EPB41L3: variants seen among roughly 807,000 people sequenced by gnomAD.
EPB41L3 encodes the protein band 4.1-like protein 3.
Under a neutral mutation model 127.1 loss-of-function variants are expected in EPB41L3, and 57 were observed. The observed-to-expected ratio is 0.45, with a 90% CI of 0.36 to 0.56. The LOEUF (loss-of-function observed/expected upper bound fraction) is 0.56. EPB41L3 is among the 20% of genes least tolerant of loss of function. EPB41L3 has a pLI of 0.00. For synonymous variants in EPB41L3, 572 were observed against 549.5 expected (o/e 1.04, Z -0.57); for missense variants, 1,273 against 1,372.2 (o/e 0.93, Z 1.14).
At chr18:5,527,382 C>T (rs1196379307) in intron 1 of EPB41L3, among the ~76,000 whole-genome samples, 1 of 152,104 alleles carries the variant, frequency 6.6e-6, no homozygotes, top group Non-Finnish European at 1.5e-5. Flanking sequence ...TAAAACCATA[C>T]CTGCTAAATA....
intron 22 of EPB41L3, 80 bp from the exon 23 acceptor site, chr18:5,393,558 T>A (rs747010676): frequency 4.4e-6 from 3 of 683,776 alleles, no homozygotes; most frequent in African/African-American, 3.6e-5. Context: ...AAAAAAAGTA[T>A]CCTGGAAGTT....
intron 3 of EPB41L3, among the ~76,000 whole-genome samples, chr18:5,461,503 A>G (rs934981295): frequency 6.6e-5 from 10 of 152,258 alleles, no homozygotes; most frequent in African/African-American, 2.4e-4. Context: ...CTGAACAGAT[A>G]CATTCTTATA....
chr18:5,573,237 C>T (rs1201881603), intron 3 of EPB41L3, among the ~76,000 whole-genome samples: 1 of 152,188 alleles, frequency 6.6e-6, no homozygotes, highest in Non-Finnish European at 1.5e-5. Flanking sequence ...AATACTACTG[C>T]ATCACCACTT....
chr18:5,453,331 G>A (rs1212007751), intron 3 of EPB41L3, among the ~76,000 whole-genome samples: 2 of 152,222 alleles, frequency 1.3e-5, no homozygotes, highest in African/African-American at 2.4e-5. Flanking sequence ...TGAAGAGAAT[G>A]AGGAGAGCAA....
intron 8 of EPB41L3, chr18:5,431,117 A>T (rs988351159): frequency 6.6e-6 from 1 of 152,190 alleles, no homozygotes; most frequent in African/African-American, 2.4e-5. Flanking sequence ...AATGACTCTG[A>T]CAAAGCCTAT....
chr18:5,448,609 T>A (rs1006153180), intron 3 of EPB41L3, among the ~76,000 whole-genome samples: 3 of 152,200 alleles, frequency 2.0e-5, no homozygotes, highest in Admixed American at 6.5e-5. Context: ...GTATATTTTT[T>A]AAAAAAATGG....
chr18:5,582,993 G>A (rs572925615), intron 3 of EPB41L3, among the ~76,000 whole-genome samples: 16 of 152,272 alleles, frequency 1.1e-4, no homozygotes, highest in African/African-American at 2.9e-4. Context: ...GGGACCCTGC[G>A]GATGAATCAG....
chr18:5,510,004 T>C (rs1401533172), intron 1 of EPB41L3, among the ~76,000 whole-genome samples: 1 of 152,174 alleles, frequency 6.6e-6, no homozygotes, highest in African/African-American at 2.4e-5. Flanking sequence ...TAATTTAATA[T>C]GGAGATCAGG....
At chr18:5,419,094 G>A (rs78695949) in intron 12 of EPB41L3, among the ~76,000 whole-genome samples, 8,043 of 152,246 alleles carry the variant, frequency 0.053, 282 homozygotes, top group Non-Finnish European at 0.074. Flanking sequence ...TGTTAAAAAA[G>A]ATATTTAATT....
At chr18:5,502,038 C>T (rs970414763) in intron 1 of EPB41L3, among the ~76,000 whole-genome samples, 2 of 104,294 alleles carry the variant, frequency 1.9e-5, no homozygotes, top group Admixed American at 1.9e-4. Flanking sequence ...TTCCCTCCTG[C>T]CTCCTGCCTC....
At chr18:5,551,361 C>G (rs938788038) in intron 3 of EPB41L3, among the ~76,000 whole-genome samples, 2 of 152,242 alleles carry the variant, frequency 1.3e-5, no homozygotes, top group Non-Finnish European at 2.9e-5. Context: ...TTCTGTTTTA[C>G]TAGCACAGAC....
chr18:5,599,573 C>T (rs535361459), intron 3 of EPB41L3, among the ~76,000 whole-genome samples: 1 of 152,268 alleles, frequency 6.6e-6, no homozygotes, highest in Admixed American at 6.5e-5. Context: ...ACATCATCCC[C>T]TTAGTGCTGT....
intron 3 of EPB41L3, among the ~76,000 whole-genome samples, chr18:5,568,499 A>G (rs560892053): frequency 6.6e-6 from 1 of 152,222 alleles, no homozygotes; most frequent in East Asian, 1.9e-4. Context: ...TCCTTTTGAA[A>G]CACTAAATGT....
chr18:5,600,338 G>A (rs113579319), intron 3 of EPB41L3, among the ~76,000 whole-genome samples: 1 of 152,128 alleles, frequency 6.6e-6, no homozygotes, highest in Non-Finnish European at 1.5e-5. Flanking sequence ...GGACACATAA[G>A]AGATGTAATT....
chr18:5,457,771 A>T (rs1197399498), intron 3 of EPB41L3, among the ~76,000 whole-genome samples: 1 of 151,692 alleles, frequency 6.6e-6, no homozygotes, highest in African/African-American at 2.4e-5. Context: ...CTGTACACAC[A>T]CCTCCACGCC....
At chr18:5,487,667 T>G (rs1286392375) in intron 2 of EPB41L3, among the ~76,000 whole-genome samples, 1 of 151,754 alleles carries the variant, frequency 6.6e-6, no homozygotes, top group Non-Finnish European at 1.5e-5. Flanking sequence ...AATTTTTGTA[T>G]TGGGCCCGGC....
intron 1 of EPB41L3, among the ~76,000 whole-genome samples, chr18:5,538,716 C>A (rs1480330725): frequency 6.6e-6 from 1 of 152,210 alleles, no homozygotes; most frequent in African/African-American, 2.4e-5. Flanking sequence ...ACACCCTCCA[C>A]ACTGATGTCC....
intron 3 of EPB41L3, among the ~76,000 whole-genome samples, chr18:5,586,565 A>ATTTTTTTTTTTT (rs10669405): frequency 7.9e-6 from 1 of 125,996 alleles, no homozygotes; most frequent in Non-Finnish European, 1.6e-5. Flanking sequence ...ATACATGACT[A>ATTTTTTTTTTTT]TTTTTTTTTT....
chr18:5,451,192 C>T (rs113000175), intron 3 of EPB41L3, among the ~76,000 whole-genome samples: 8 of 152,264 alleles, frequency 5.3e-5, no homozygotes, highest in South Asian at 4.1e-4. Flanking sequence ...AAGATAAATG[C>T]TTGTTTCTCT....
Sources: gnomAD v4.1 joint callset for allele counts (sites outside exome capture counted in the v4.1 genomes callset) on GRCh38, gnomAD v4.1.1 for gene constraint, MANE v1.5 for transcripts, NCBI Gene and HGNC (gene_info 2026-07-23, HGNC 2026-07-21) for gene names.